Variants in THSD7B observed in about 807,000 individuals in gnomAD.
THSD7B encodes the protein thrombospondin type 1 domain containing 7B, also known as thrombospondin type-1 domain-containing protein 7B.
A neutral mutation model predicts 213.6 loss-of-function variants in THSD7B; 138 were observed. The observed-to-expected ratio is 0.65, with a 90% CI of 0.56 to 0.74. THSD7B has a LOEUF of 0.74. THSD7B is among the 30% of genes least tolerant of loss of function. The pLI is 0.00. For missense variants in THSD7B, 1,931 were observed against 1,991.5 expected, an observed-to-expected ratio of 0.97 and a Z score of 0.58; for synonymous variants, 742 against 687.0, an observed-to-expected ratio of 1.08 and a Z score of -1.25.
At chr2:137,507,666 T>A (rs1208140914) in intron 15 of THSD7B, among the ~76,000 whole-genome samples, 1 of 152,208 alleles carries the variant, frequency 6.6e-6, no homozygotes, top group Non-Finnish European at 1.5e-5. Flanking sequence ...TATGTTTAAA[T>A]CCATTTTTTT....
chr2:137,057,291 A>G (rs1005913949), intron 3 of THSD7B, 61 bp downstream of exon 3: 2 of 1,397,962 alleles, frequency 1.4e-6, no homozygotes, highest in African/African-American at 2.9e-5. Context: ...GCAACTTTAT[A>G]AAGCTTCTTT....
At chr2:137,123,902 G>A (rs965855209) in intron 5 of THSD7B, among the ~76,000 whole-genome samples, 5 of 152,012 alleles carry the variant, frequency 3.3e-5, no homozygotes, top group African/African-American at 1.2e-4. Flanking sequence ...CTTAGTAATT[G>A]TGATAGACTT....
intron 7 of THSD7B, among the ~76,000 whole-genome samples, chr2:137,221,849 T>C (rs1220264616): frequency 6.6e-6 from 1 of 152,244 alleles, no homozygotes; most frequent in African/African-American, 2.4e-5. Context: ...TTAAAAGTTT[T>C]GATTTTTCAA....
chr2:136,981,190 G>T (rs1445545374), intron 2 of THSD7B, among the ~76,000 whole-genome samples: 1 of 152,180 alleles, frequency 6.6e-6, no homozygotes, highest in Admixed American at 6.5e-5. Flanking sequence ...AGATATGAAA[G>T]TTCATTTGAA....
intron 15 of THSD7B, among the ~76,000 whole-genome samples, chr2:137,458,932 G>A (rs1366884361): frequency 1.3e-5 from 2 of 151,578 alleles, no homozygotes; most frequent in African/African-American, 4.9e-5. Context: ...CAGAATTCAT[G>A]TTGCTCTGAT....
At chr2:136,790,244 A>G (rs1681944310) in intron 1 of THSD7B, among the ~76,000 whole-genome samples, 1 of 151,944 alleles carries the variant, frequency 6.6e-6, no homozygotes, top group South Asian at 2.1e-4. Context: ...TTGATGAATT[A>G]TGTTTCACCA....
At chr2:136,921,301 A>G (rs1280641397) in intron 2 of THSD7B, among the ~76,000 whole-genome samples, 1 of 151,292 alleles carries the variant, frequency 6.6e-6, no homozygotes, top group South Asian at 2.1e-4. Flanking sequence ...TTATATCTAT[A>G]TATCTCTGGA....
chr2:137,540,956 C>T (rs1455802067), intron 15 of THSD7B, among the ~76,000 whole-genome samples: 1 of 151,708 alleles, frequency 6.6e-6, no homozygotes, highest in Middle Eastern at 3.4e-3. Context: ...CTCAGGCAAA[C>T]TATGAGACTG....
At chr2:137,483,455 G>A (rs1688352007) in intron 15 of THSD7B, among the ~76,000 whole-genome samples, 1 of 152,290 alleles carries the variant, frequency 6.6e-6, no homozygotes, top group South Asian at 2.1e-4. Context: ...CACATGCAAT[G>A]TTTGTTAATT....
At chr2:137,096,363 G>A (rs1372126002) in intron 4 of THSD7B, among the ~76,000 whole-genome samples, 1 of 152,216 alleles carries the variant, frequency 6.6e-6, no homozygotes, top group African/African-American at 2.4e-5. Context: ...GTGGTGGGCT[G>A]CAGCCTGGCT....
rs1362558066 is a variant in THSD7B at position 137,620,619 on chromosome 2, A to G, written c.3692A>G (p.Glu1231Gly). The change falls in exon 20 of 28, where the codon GAG becomes GGG. Residue 1231 changes from glutamate (E) to glycine (G), a missense_variant. By Grantham distance (98) the Glu-to-Gly change is moderately conservative. Coordinates refer to ENST00000409968, the MANE Select transcript of THSD7B (RefSeq NM_001316349.2). The stretch of plus-strand genomic sequence containing the variant: ...CATTTCCATTTGCAGCATAATTTGG[A>G]GAAGCCCCAGAGAATGAGCATTCCC... Reference protein sequence around the residue: ...SMDQCEQHNLEKPQRMSIPCL... With the variant: ...SMDQCEQHNLGKPQRMSIPCL... The G allele has an allele frequency of 1.9e-6, 3 of 1,613,036 alleles. No homozygotes were observed. The highest frequency in any genetic ancestry group is 2.7e-5 in the African/African-American group (2 of 74,892).
chr2:137,631,557 A>G (rs1333065858), intron 20 of THSD7B, among the ~76,000 whole-genome samples: 1 of 152,172 alleles, frequency 6.6e-6, no homozygotes, highest in Non-Finnish European at 1.5e-5. Flanking sequence ...TAACTCCAAA[A>G]CACAACAACA....
intron 12 of THSD7B, among the ~76,000 whole-genome samples, chr2:137,368,840 C>G (rs923161674): frequency 5.9e-5 from 9 of 152,042 alleles, no homozygotes; most frequent in African/African-American, 2.2e-4. Flanking sequence ...CATTTGCAAT[C>G]ATGACCACAA....
chr2:137,095,665 C>G (rs150963679), intron 4 of THSD7B, among the ~76,000 whole-genome samples: 1 of 151,982 alleles, frequency 6.6e-6, no homozygotes, highest in Non-Finnish European at 1.5e-5. Flanking sequence ...AGAGAATATT[C>G]GAGAAAGGAT....
At chr2:137,090,368 G>A (rs1036066138) in intron 3 of THSD7B, among the ~76,000 whole-genome samples, 1 of 151,962 alleles carries the variant, frequency 6.6e-6, no homozygotes, top group Non-Finnish European at 1.5e-5. Flanking sequence ...GAAAGGTATG[G>A]AAGTATTTGT....
intron 7 of THSD7B, among the ~76,000 whole-genome samples, chr2:137,206,416 C>A (rs2105029129): frequency 6.6e-6 from 1 of 152,140 alleles, no homozygotes; most frequent in Non-Finnish European, 1.5e-5. Context: ...AATACACAAT[C>A]ACATGTAGCT....
At chr2:137,137,865 G>C (rs1290596327) in intron 5 of THSD7B, among the ~76,000 whole-genome samples, 1 of 151,438 alleles carries the variant, frequency 6.6e-6, no homozygotes, top group Non-Finnish European at 1.5e-5. Context: ...GGGTTTTGTT[G>C]GGTTTGTTTT....
At chr2:137,630,935 G>A (rs576682008) in intron 20 of THSD7B, among the ~76,000 whole-genome samples, 6 of 152,140 alleles carry the variant, frequency 3.9e-5, no homozygotes, top group African/African-American at 9.6e-5. Context: ...TTCTGCATTC[G>A]CTGAGTTATT....
At chr2:137,521,983 A>G (rs1680193430) in intron 15 of THSD7B, among the ~76,000 whole-genome samples, 1 of 152,164 alleles carries the variant, frequency 6.6e-6, no homozygotes, top group South Asian at 2.1e-4. Context: ...GGGTATCACA[A>G]AGGAAAATCC....
Sources: gnomAD v4.1 joint callset for allele counts (sites outside exome capture counted in the v4.1 genomes callset) on GRCh38, gnomAD v4.1.1 for gene constraint, MANE v1.5 for transcripts, NCBI Gene and HGNC (gene_info 2026-07-23, HGNC 2026-07-21) for gene names.